The following DNAL4 variants were observed in gnomAD, a reference collection of about 807,000 sequenced individuals.
The protein encoded by DNAL4 is dynein light chain, outer arm 4.
DNAL4 carries 10 observed loss-of-function variants against 12.6 expected under a neutral mutation model. That is an observed-to-expected ratio of 0.79 (90% CI 0.49 to 1.34). The LOEUF is 1.34. Ranked by LOEUF, DNAL4 falls within the 40% of genes most tolerant of loss-of-function variation. The pLI, the probability that DNAL4 is intolerant of heterozygous loss-of-function variation, is 0.00. For missense variants in DNAL4, 128 were observed against 138.1 expected (o/e 0.93, Z 0.37); for synonymous variants, 46 against 53.1 (o/e 0.87, Z 0.58).
chr22:38,793,674 T>A (rs1285221718), intron 1 of DNAL4, among the ~76,000 whole-genome samples: 1 of 152,100 alleles, frequency 6.6e-6, no homozygotes, highest in Non-Finnish European at 1.5e-5. Flanking sequence ...TCCCAGTAAG[T>A]CGCCAACTCT....
At position 38,779,721 on chromosome 22, in the gene DNAL4, G is replaced by A. The variant is rs1603238856; in HGVS notation, c.154-108C>T. Reference sequence around the variant, plus strand: ...GGCACTGAGGTCTTGGCAAGAGAAAGGCCTGCTGTCCTATTTCTCTTGTCC... The same window carrying A: ...GGCACTGAGGTCTTGGCAAGAGAAAAGCCTGCTGTCCTATTTCTCTTGTCC... On this transcript the variant is annotated intron_variant, in intron 3 of 3. Coordinates refer to ENST00000216068, the MANE Select transcript of DNAL4 (RefSeq NM_005740.3). The surrounding 1 kb of genome is among the most constrained non-coding windows in gnomAD (Gnocchi z 4.3). 1 of 1,366,612 alleles carries A rather than the reference G, an allele frequency of 7.3e-7. No individual in the cohort carries two copies. Among genetic ancestry groups the A allele is most frequent in the Non-Finnish European group, 9.8e-7 (1 of 1,016,698 alleles). The allele number at this position is 1,366,612 out of a possible 1,614,324, so 84.7% of individuals were successfully genotyped here.
intron 1 of DNAL4, among the ~76,000 whole-genome samples, chr22:38,789,275 T>C (rs1314253404): frequency 1.3e-5 from 2 of 152,192 alleles, no homozygotes; most frequent in Non-Finnish European, 2.9e-5. Flanking sequence ...TGCTTTTTCT[T>C]TTCTTTTCGA....
intron 2 of DNAL4, among the ~76,000 whole-genome samples, chr22:38,781,989 C>G (rs916785302): frequency 6.6e-6 from 1 of 152,222 alleles, no homozygotes; most frequent in Admixed American, 6.5e-5. Context: ...CCAAACAGAT[C>G]TCATCACTCC....
Position 38,782,904 on chromosome 22 carries a change from C to T in DNAL4, c.-139-34G>A, listed in dbSNP as rs2093036550. On this transcript the variant is annotated intron_variant, in intron 1 of 3. Transcript: ENST00000216068. The surrounding 1 kb of genome is among the most constrained non-coding windows in gnomAD (Gnocchi z 5.1). ...AACAGGAGAAACCAGAAAAAAAGAG[C>T]TGGCTTCAAAACCATACATCGCAAA... The T allele has an allele frequency of 5.4e-6, 3 of 558,574 alleles. No individual in the cohort carries two copies. The highest frequency in any genetic ancestry group is 2.7e-5 in the South Asian group (1 of 37,470). 34.6% of individuals were successfully genotyped at this position (558,574 alleles called of 1,614,324 possible).
chr22:38,780,007 C>T (rs373768978), intron 3 of DNAL4, among the ~76,000 whole-genome samples: 3 of 152,314 alleles, frequency 2.0e-5, no homozygotes, highest in East Asian at 1.9e-4. Context: ...AGAGACCTGG[C>T]ACCCTGCAGA....
chr22:38,792,956 AT>A (rs1320712843), intron 1 of DNAL4, among the ~76,000 whole-genome samples: 3 of 152,226 alleles, frequency 2.0e-5, no homozygotes, highest in Admixed American at 6.5e-5. Context: ...TATGTGCTAT[AT>A]TTTATATGAC....
chr22:38,781,056 G>T, intron 2 of DNAL4, 47 bp from the exon 3 acceptor site: 1 of 1,605,480 alleles, frequency 6.2e-7, no homozygotes, highest in Non-Finnish European at 8.5e-7. Context: ...CTTAGCCCGT[G>T]ACCTGGCCTT....
intron 1 of DNAL4, among the ~76,000 whole-genome samples, chr22:38,793,486 C>T (rs531793689): frequency 1.3e-5 from 2 of 152,272 alleles, no homozygotes; most frequent in South Asian, 4.1e-4. Context: ...AAGTTATTTT[C>T]ACAATACACG....
chr22:38,793,027 C>T (rs9607572), intron 1 of DNAL4, among the ~76,000 whole-genome samples: 2,039 of 152,304 alleles, frequency 0.013, 25 homozygotes, highest in Middle Eastern at 0.041. Context: ...ATGCATTTTG[C>T]TTTGACATTA....
intron 1 of DNAL4, chr22:38,785,843 C>T (rs771548387): frequency 1.3e-5 from 2 of 152,200 alleles, no homozygotes; most frequent in African/African-American, 4.8e-5. Context: ...TGTATGTGAG[C>T]GATTTGAAAC....
rs2093055084 is a variant in DNAL4, at chr22:38,794,090, C to G, written c.-162G>C. ...CACCTGCTCCTGCGGGGGCCGGAGC[C>G]GGGGCCGCAGCCAGCGAACCCCCGC... On this transcript the variant is annotated 5_prime_UTR_variant, in exon 1 of 4. Coordinates refer to ENST00000216068, the MANE Select transcript of DNAL4 (RefSeq NM_005740.3). 6.6e-6 allele frequency: 1 copy of G among 152,206 alleles called. No homozygotes were observed. Among genetic ancestry groups the G allele is most frequent in the Admixed American group, 6.5e-5 (1 of 15,284 alleles). 9.4% of individuals were successfully genotyped at this position (152,206 alleles called of 1,614,324 possible). A position where few individuals can be genotyped will look rare whatever the true frequency, so the allele number is the denominator to read the frequency against.
chr22:38,781,829 G>A (rs1001998186), intron 2 of DNAL4, among the ~76,000 whole-genome samples: 9 of 152,020 alleles, frequency 5.9e-5, no homozygotes, highest in African/African-American at 1.7e-4. Context: ...CCCTAAACCC[G>A]ACCGCATCTC....
intron 1 of DNAL4, among the ~76,000 whole-genome samples, chr22:38,787,239 TCTTTC>T (rs1467225603): frequency 1.3e-5 from 2 of 151,448 alleles, no homozygotes; most frequent in Non-Finnish European, 2.9e-5. Flanking sequence ...TTTCTTTCTT[TCTTTC>T]TTTTTTTTTT....
intron 1 of DNAL4, among the ~76,000 whole-genome samples, chr22:38,788,991 A>G (rs1342250779): frequency 6.6e-6 from 1 of 152,110 alleles, no homozygotes; most frequent in Non-Finnish European, 1.5e-5. Flanking sequence ...AAATTATCCA[A>G]ATTGCAATTA....
At chr22:38,790,666 C>G (rs2093049188) in intron 1 of DNAL4, among the ~76,000 whole-genome samples, 1 of 152,136 alleles carries the variant, frequency 6.6e-6, no homozygotes, top group Admixed American at 6.5e-5. Flanking sequence ...TGCTTAATGA[C>G]AGGGGCATGT....
At chr22:38,781,071 G>T in intron 2 of DNAL4, 62 bp from the exon 3 acceptor site, 1 of 1,588,546 alleles carries the variant, frequency 6.3e-7, no homozygotes. Flanking sequence ...GGCCTTCCTG[G>T]CTGGCCTCTC....
chr22:38,792,488 G>C (rs1001680670), intron 1 of DNAL4, among the ~76,000 whole-genome samples: 1 of 152,174 alleles, frequency 6.6e-6, no homozygotes, highest in Non-Finnish European at 1.5e-5. Flanking sequence ...TTACCATGTT[G>C]GCCAGGCTAG....
intron 1 of DNAL4, among the ~76,000 whole-genome samples, chr22:38,792,901 A>C (rs2093053200): frequency 6.6e-6 from 1 of 152,178 alleles, no homozygotes; most frequent in Non-Finnish European, 1.5e-5. Flanking sequence ...AACAAGTAAC[A>C]GTCATTTATT....
intron 1 of DNAL4, among the ~76,000 whole-genome samples, chr22:38,787,533 C>T (rs1297425518): frequency 6.6e-6 from 1 of 152,208 alleles, no homozygotes. Context: ...TGGGCCACTG[C>T]ACCTGGCAGC....
Sources: gnomAD v4.1 joint callset for allele counts (sites outside exome capture counted in the v4.1 genomes callset) on GRCh38, gnomAD v4.1.1 for gene constraint, Gnocchi (gnomAD v3.1) non-coding constraint, MANE v1.5 for transcripts, NCBI Gene and HGNC (gene_info 2026-07-23, HGNC 2026-07-21) for gene names.